EZR: variants seen among roughly 807,000 people sequenced by gnomAD.
The protein encoded by EZR is ezrin.
A neutral mutation model predicts 74.8 loss-of-function variants in EZR; 40 were observed. The ratio of observed to expected loss-of-function variants is 0.53; its 90% confidence interval spans 0.42 to 0.70. EZR has a LOEUF of 0.70. EZR is among the 30% of genes least tolerant of loss of function. The pLI, the probability that EZR is intolerant of heterozygous loss-of-function variation, is 0.00. For synonymous variants in EZR, 341 were observed against 283.3 expected (o/e 1.20, Z -2.05); for missense variants, 678 against 755.8 (o/e 0.90, Z 1.21).
chr6:158,769,442 C>T (rs778637042), intron 11 of EZR, 24 bp from the exon 12 acceptor site: 21 of 1,597,342 alleles, frequency 1.3e-5, no homozygotes, highest in African/African-American at 2.7e-5. Flanking sequence ...GCCAAGCTCA[C>T]GTCAGTTCTG....
At chr6:158,780,725 TTCC>T in intron 7 of EZR, among the ~76,000 whole-genome samples, 1 of 152,220 alleles carries the variant, frequency 6.6e-6, no homozygotes, top group East Asian at 1.9e-4. Context: ...AAAGATCAGG[TTCC>T]TCTAGTTTTT....
rs1791038799 is a variant in EZR at position 158,769,776 on chromosome 6, A to C, written c.1251+8T>G. The C allele has an allele frequency of 6.2e-7, 1 of 1,613,602 alleles. No homozygotes were observed. Among genetic ancestry groups the C allele is most frequent in the Admixed American group, 1.7e-5 (1 of 60,016 alleles). On this transcript the variant is annotated splice_region_variant and intron_variant, in intron 11 of 13. Transcript: ENST00000367075. ...AATTCAGCATCTTGAAACTCAGGCC[A>C]TTCCTACCAGCTGCTCCTGGCTCTT... is the stretch of plus-strand genomic sequence containing the variant.
intron 7 of EZR, among the ~76,000 whole-genome samples, chr6:158,780,609 T>C (rs1250056616): frequency 6.6e-6 from 1 of 152,238 alleles, no homozygotes; most frequent in Admixed American, 6.5e-5. Flanking sequence ...GTGGAAGCCC[T>C]GGACCTAGTG....
chr6:158,784,544 C>A, intron 6 of EZR, 100 bp downstream of exon 6: 1 of 1,092,338 alleles, frequency 9.2e-7, no homozygotes, highest in South Asian at 1.4e-5. Flanking sequence ...TTCACAAGGC[C>A]TGACACAGAG....
In EZR at chr6:158,771,011, C is replaced by T. The variant is rs1476334482; in HGVS notation, c.960-117G>A. 8.6e-6 allele frequency: 13 copies of T among 1,507,324 alleles called. No homozygotes were observed. The Admixed American group carries it at 2.2e-4, about 25-fold the overall frequency. The allele number at this position is 1,507,324 out of a possible 1,614,324, so 93.4% of individuals were successfully genotyped here. On this transcript the variant is annotated intron_variant, in intron 9 of 13. Coordinates refer to ENST00000367075, the MANE Select transcript of EZR (RefSeq NM_001111077.2). ...TGGACTTGGTATCCTGAGGGCCACC[C>T]TAGCCTGCTGCCAGCCTGAGCTGCC...
chr6:158,775,542 C>G (rs1791251302), intron 8 of EZR, among the ~76,000 whole-genome samples: 1 of 152,192 alleles, frequency 6.6e-6, no homozygotes, highest in Non-Finnish European at 1.5e-5. Context: ...ATGTTTGCCT[C>G]TCCAAGCTTA....
intron 7 of EZR, among the ~76,000 whole-genome samples, chr6:158,777,722 G>A (rs1791317977): frequency 6.6e-6 from 1 of 152,160 alleles, no homozygotes; most frequent in Non-Finnish European, 1.5e-5. Flanking sequence ...TCAAGGCAGT[G>A]GGGTGGACTC....
At chr6:158,784,220 G>A (rs771288742) in intron 6 of EZR, among the ~76,000 whole-genome samples, 1 of 152,150 alleles carries the variant, frequency 6.6e-6, no homozygotes, top group South Asian at 2.1e-4. Flanking sequence ...ACAGCCCCAC[G>A]TCCAGGTTCT....
At chr6:158,775,684 AT>A (rs1791254876) in intron 8 of EZR, among the ~76,000 whole-genome samples, 1 of 152,220 alleles carries the variant, frequency 6.6e-6, no homozygotes, top group African/African-American at 2.4e-5. Context: ...AGAGAACTAG[AT>A]TTCTGATTAG....
At chr6:158,818,053 C>T (rs1244054136) in intron 2 of EZR, 29 bp downstream of exon 2, 8 of 1,607,702 alleles carry the variant, frequency 5.0e-6, no homozygotes, top group Non-Finnish European at 6.8e-6. Context: ...CCTCTCCCGT[C>T]CGCCCGGCCC....
intron 2 of EZR, among the ~76,000 whole-genome samples, chr6:158,803,618 T>C (rs374775849): frequency 0.053 from 965 of 18,168 alleles, 74 homozygotes; most frequent in African/African-American, 0.096. Flanking sequence ...TATATATATA[T>C]ATATATACAT....
intron 2 of EZR, 84 bp from the exon 3 acceptor site, chr6:158,789,455 C>G (rs757277639): frequency 7.9e-7 from 1 of 1,262,174 alleles, no homozygotes; most frequent in Non-Finnish European, 1.2e-6. Context: ...ATAAGCTGCT[C>G]CTCAGTGTGG....
intron 2 of EZR, among the ~76,000 whole-genome samples, chr6:158,803,592 TATATATATATATAC>T (rs1777254792): frequency 7.3e-4 from 10 of 13,652 alleles, no homozygotes; most frequent in Admixed American, 3.0e-3. Flanking sequence ...CATATATATA[TATATATATATATAC>T]ATATATATAT....
At chr6:158,818,845 G>A (rs1037188729) in intron 1 of EZR, among the ~76,000 whole-genome samples, 1 of 147,574 alleles carries the variant, frequency 6.8e-6, no homozygotes, top group African/African-American at 2.5e-5. Context: ...GGGGCACAGG[G>A]CGGGCGGGGG....
intron 2 of EZR, 24 bp from the exon 3 acceptor site, chr6:158,789,395 T>TA (rs1307024377): frequency 6.3e-7 from 1 of 1,593,392 alleles, no homozygotes; most frequent in Admixed American, 1.7e-5. Context: ...TGAAACAAAT[T>TA]ACGCTTAACT....
intron 2 of EZR, among the ~76,000 whole-genome samples, chr6:158,800,236 T>C (rs1777161095): frequency 6.6e-6 from 1 of 152,116 alleles, no homozygotes; most frequent in Non-Finnish European, 1.5e-5. Flanking sequence ...AAATGAAGTC[T>C]CTCTATATAT....
chr6:158,789,579 T>A (rs780510951), intron 2 of EZR: 4 of 711,128 alleles, frequency 5.6e-6, no homozygotes, highest in Non-Finnish European at 7.8e-6. Context: ...CAAACGCAGC[T>A]TCTTTGCTTT....
chr6:158,769,466 G>A lies in EZR; in HGVS notation c.1252-48C>T, dbSNP rs113226521. Reference sequence around the variant, plus strand: ...ACGTCAGTTCTGATATCCTTTCAACGGAGTCCAGTTGTGAATGAGTGTTCA... The same window carrying A: ...ACGTCAGTTCTGATATCCTTTCAACAGAGTCCAGTTGTGAATGAGTGTTCA... On this transcript the variant is annotated intron_variant, in intron 11 of 13. Transcript: ENST00000367075. 922 of 1,568,612 alleles carry A rather than the reference G, an allele frequency of 5.9e-4. 7 individuals are homozygous for A. In the African/African-American group the frequency reaches 9.1e-3, roughly 15 times the overall value.
intron 2 of EZR, among the ~76,000 whole-genome samples, chr6:158,808,784 A>AT (rs1777394365): frequency 1.3e-5 from 2 of 152,228 alleles, no homozygotes; most frequent in African/African-American, 4.8e-5. Context: ...TATCCTGCCA[A>AT]TAAACAAGAA....
Sources: gnomAD v4.1 joint callset for allele counts (sites outside exome capture counted in the v4.1 genomes callset) on GRCh38, gnomAD v4.1.1 for gene constraint, MANE v1.5 for transcripts, NCBI Gene and HGNC (gene_info 2026-07-23, HGNC 2026-07-21) for gene names.